The following IGFN1 variants were observed in gnomAD, a reference collection of about 807,000 sequenced individuals.
IGFN1 encodes immunoglobulin-like and fibronectin type III domain-containing protein 1.
Under a neutral mutation model 289.5 loss-of-function variants are expected in IGFN1, and 253 were observed. That is an observed-to-expected ratio of 0.87 (90% CI 0.79 to 0.97). The LOEUF (loss-of-function observed/expected upper bound fraction) is 0.97, where lower values mean the gene tolerates loss of function less well. Among genes scored for constraint, IGFN1 ranks in the 50% least tolerant of loss-of-function variants. IGFN1 has a pLI of 0.00. For synonymous variants in IGFN1, 1,706 were observed against 1,788.5 expected (o/e 0.95, Z 1.16); for missense variants, 4,470 against 4,686.1 (o/e 0.95, Z 1.35).
At position 201,207,096 on chromosome 1, in the gene IGFN1, G is replaced by A. The variant is rs1667462243; in HGVS notation, c.2203G>A (p.Gly735Ser). The A allele has an allele frequency of 1.3e-6, 2 of 1,537,028 alleles. No individual in the cohort carries two copies. The highest frequency in any genetic ancestry group is 2.4e-5 in the East Asian group (1 of 40,920). The part of the protein sequence containing the change: ...KDFQEPSISG[G>S]RKFLLGDGSP... ...CTTCCAGGAACCATCAATATCAGGT[G>A]GTAGAAAATTCCTTCTGGGAGATGG... Residue 735 changes from glycine (G) to serine (S), a missense_variant, in exon 12 of 24, where the codon GGT becomes AGT. By Grantham distance (56) the Gly-to-Ser change is moderately conservative. Coordinates refer to ENST00000335211, the MANE Select transcript of IGFN1 (RefSeq NM_001164586.2).
rs1377113380 is a variant in IGFN1 at position 201,200,244 on chromosome 1, C to G, written c.466C>G (p.Pro156Ala). Residue 156 changes from proline to alanine, a missense_variant, in exon 8 of 24, where the codon CCA becomes GCA. Coordinates refer to ENST00000335211, the MANE Select transcript of IGFN1 (RefSeq NM_001164586.2). ...GCTAGCCTTGCTCCCCAGGGCCCCA[C>G]CAGCCCCCAAGAAAAAGATGGACCT... ...FRKLLKKRAP[P>A]APKKKMDLEQ... The G allele has an allele frequency of 1.3e-6, 2 of 1,551,406 alleles. No individual in the cohort carries two copies. The highest frequency in any genetic ancestry group is 2.4e-5 in the East Asian group (1 of 40,932).
chr1:201,198,788 A>G (rs960275057), intron 5 of IGFN1, among the ~76,000 whole-genome samples: 1 of 152,364 alleles, frequency 6.6e-6, no homozygotes, highest in East Asian at 1.9e-4. Context: ...CTCATTGGTC[A>G]GGACAGTGTC....
At position 201,212,107 on chromosome 1, in the gene IGFN1, G is replaced by T. The variant is rs959730502; in HGVS notation, c.7214G>T (p.Gly2405Val). 1.3e-6 allele frequency: 2 copies of T among 1,536,492 alleles called. No homozygotes were observed. Among genetic ancestry groups the T allele is most frequent in the Non-Finnish European group, 8.7e-7 (1 of 1,146,784 alleles). ...ASEGDTNSKD[G>V]PERARETRLV... Reference sequence around the variant, plus strand: ...GAGGGTGACACGAACTCCAAGGATGGTCCAGAGCGAGCCAGGGAAACCAGG... The same window carrying T: ...GAGGGTGACACGAACTCCAAGGATGTTCCAGAGCGAGCCAGGGAAACCAGG... The change falls in exon 12 of 24, where the codon GGT (glycine) becomes GTT (valine). Residue 2405 changes from glycine to valine, a missense_variant. Gly to Val is a moderately radical substitution (Grantham distance 109). Coordinates refer to ENST00000335211, the MANE Select transcript of IGFN1 (RefSeq NM_001164586.2).
chr1:201,223,331 G>A (rs956386930), intron 20 of IGFN1, among the ~76,000 whole-genome samples: 7 of 148,846 alleles, frequency 4.7e-5, no homozygotes, highest in Admixed American at 2.7e-4. Flanking sequence ...ACTCACAGCC[G>A]TTTGACTTTG....
intron 15 of IGFN1, 162 bp from the exon 16 acceptor site, chr1:201,216,292 G>A: frequency 1.6e-6 from 1 of 618,278 alleles, no homozygotes; most frequent in South Asian, 2.0e-5. Context: ...TCTGGGTAAT[G>A]CCCAAGGCTC....
rs553004314 is a variant in IGFN1 at position 201,218,854 on chromosome 1, G to C, written c.9898+196G>C. Among the ~76,000 whole-genome samples, 85 of 152,174 alleles carry C rather than the reference G, an allele frequency of 5.6e-4. 3 individuals carry two copies. The South Asian group carries it at 0.016, about 29-fold the overall frequency. ...AGGGGCCCTACGTGAGCTCAAACAG[G>C]CCCAGAAGCCAGGCAGTGGGATTAG... On this transcript the variant is annotated intron_variant, in intron 18 of 23. Transcript: ENST00000335211.
chr1:201,191,241 G>A (rs976645042), intron 1 of IGFN1, among the ~76,000 whole-genome samples: 17 of 152,286 alleles, frequency 1.1e-4, no homozygotes, highest in Non-Finnish European at 2.4e-4. Flanking sequence ...CCTCGGGCTG[G>A]GACTTGTTAT....
rs1267332683 is a variant in IGFN1, at chr1:201,206,326, C to G, written c.1433C>G (p.Thr478Arg). Residue 478 changes from threonine (T) to arginine (R), a missense_variant, in exon 12 of 24, where the codon ACA becomes AGA. By Grantham distance (71) the Thr-to-Arg change is moderately conservative. Around this residue, in one of 8 missense-constraint regions of IGFN1, gnomAD observed 2,011 missense variants for 1,953.4 expected, o/e 1.03. Coordinates refer to ENST00000335211, the MANE Select transcript of IGFN1 (RefSeq NM_001164586.2). ...HGYSLMGDKGTADSAWGPGQE... is the reference protein window; with the variant it reads ...HGYSLMGDKGRADSAWGPGQE... ...TACTCCTTGATGGGGGACAAAGGGA[C>G]AGCTGACTCAGCCTGGGGCCCTGGA... The G allele has an allele frequency of 6.5e-7, 1 of 1,550,224 alleles. No individual in the cohort carries two copies. Among genetic ancestry groups the G allele is most frequent in the African/African-American group, 1.4e-5 (1 of 73,036 alleles).
Position 201,211,824 on chromosome 1 carries a change from T to C in IGFN1, c.6931T>C (p.Ser2311Pro). 1 of 1,536,524 alleles carries C rather than the reference T, an allele frequency of 6.5e-7. No homozygotes were observed. The highest frequency in any genetic ancestry group is 8.7e-7 in the Non-Finnish European group (1 of 1,146,610). ...AGGTTCTAGGGGTAGTTTGGAGGAT[T>C]CTGGGTACATTTTGTCATGGAATGA... ...EAGSRGSLED[S>P]GYILSWNEAG... The change falls in exon 12 of 24, where the codon TCT becomes CCT. Residue 2311 changes from serine to proline, a missense_variant. Ser to Pro is a moderately conservative substitution (Grantham distance 74, BLOSUM62 -1). Coordinates refer to ENST00000335211, the MANE Select transcript of IGFN1 (RefSeq NM_001164586.2).
chr1:201,221,719 A>C lies in IGFN1; in HGVS notation c.10174A>C (p.Thr3392Pro), dbSNP rs1477311655. ...GGQSQPSALD[T>P]LVQAMPVTVC... is the part of the protein sequence containing the mutation. ...CCAGAGCCAGCCCAGTGCCCTGGACACATTAGTGCAAGCCATGCCTGTTAC... is the reference window on the plus strand; with the variant it reads ...CCAGAGCCAGCCCAGTGCCCTGGACCCATTAGTGCAAGCCATGCCTGTTAC... The change falls in exon 19 of 24, where the codon ACA (threonine) becomes CCA (proline). Residue 3392 changes from threonine to proline, a missense_variant. Coordinates refer to ENST00000335211, the MANE Select transcript of IGFN1 (RefSeq NM_001164586.2). The C allele has an allele frequency of 6.2e-7, 1 of 1,602,614 alleles. No individual in the cohort carries two copies. The highest frequency in any genetic ancestry group is 1.1e-5 in the South Asian group (1 of 89,108).
At position 201,211,641 on chromosome 1, in the gene IGFN1, T is replaced by G. The variant is rs572063891; in HGVS notation, c.6748T>G (p.Tyr2250Asp). The change falls in exon 12 of 24, where the codon TAT becomes GAT. Residue 2250 changes from tyrosine (Y) to aspartate (D), a missense_variant. By Grantham distance (160) the Tyr-to-Asp change is radical. Coordinates refer to ENST00000335211, the MANE Select transcript of IGFN1 (RefSeq NM_001164586.2). ...GEMGSMDEADYRKDLGAPEEM... is the reference protein window; with the variant it reads ...GEMGSMDEADDRKDLGAPEEM... The stretch of plus-strand genomic sequence containing the variant: ...AATGGGGTCAATGGATGAGGCAGAT[T>G]ATAGGAAGGATTTGGGAGCTCCTGA... 1.3e-6 allele frequency: 2 copies of G among 1,536,790 alleles called. No homozygotes were observed. Among genetic ancestry groups the G allele is most frequent in the Non-Finnish European group, 1.7e-6 (2 of 1,146,790 alleles).
rs538794273 is a variant in IGFN1, at chr1:201,207,304, G to T, written c.2411G>T (p.Gly804Val). 11 of 1,536,788 alleles carry T rather than the reference G, an allele frequency of 7.2e-6. No homozygotes were observed. In the South Asian group the frequency reaches 1.3e-4, roughly 18 times the overall value. ...RDGQETAWAS[G>V]EVEYDPRSFQ... is the part of the protein sequence containing the mutation. The stretch of plus-strand genomic sequence containing the variant: ...GGCCAGGAAACAGCTTGGGCCTCGG[G>T]TGAGGTAGAGTATGACCCCAGAAGC... The change falls in exon 12 of 24, where the codon GGT (glycine) becomes GTT (valine). Residue 804 changes from glycine (G) to valine (V), a missense_variant. By Grantham distance (109) the Gly-to-Val change is moderately radical (BLOSUM62 -3). This residue lies in a region of IGFN1 where 2,011 missense variants were observed against 1,953.4 expected (regional missense o/e 1.03). Transcript: ENST00000335211.
chr1:201,211,973 T>C lies in IGFN1; in HGVS notation c.7080T>C (p.Asp2360=), dbSNP rs1667835334. 6.5e-7 allele frequency: 1 copy of C among 1,533,786 alleles called. No individual in the cohort carries two copies. The highest frequency in any genetic ancestry group is 1.2e-5 in the South Asian group (1 of 83,680). Reference sequence around the variant, plus strand: ...CAGAGGGTAAGATGGGTTATGGAGATGGTTCAGGGAGGCTTGGAGTACCAG... The same window carrying C: ...CAGAGGGTAAGATGGGTTATGGAGACGGTTCAGGGAGGCTTGGAGTACCAG... ...TGPEGKMGYG[D]GSGRLGVPGS... is the part of the protein sequence containing the mutation. The change falls in exon 12 of 24, where the codon GAT becomes GAC. Residue 2360 remains aspartate (D), a synonymous_variant. Transcript: ENST00000335211.
At chr1:201,202,575 G>C (rs1469809256) in intron 9 of IGFN1, among the ~76,000 whole-genome samples, 3 of 152,122 alleles carry the variant, frequency 2.0e-5, no homozygotes, top group Non-Finnish European at 4.4e-5. Context: ...ATGGCAGAGA[G>C]ACTTCCCTTG....
At position 201,207,802 on chromosome 1, in the gene IGFN1, GGGCTGGTTATAGCTAT is replaced by G. The variant is rs1365346564; in HGVS notation, c.2914_2929del (p.Gly972GlnfsTer75). The G allele has an allele frequency of 6.5e-7, 1 of 1,536,224 alleles. No individual in the cohort carries two copies. Among genetic ancestry groups the G allele is most frequent in the Non-Finnish European group, 8.7e-7 (1 of 1,146,410 alleles). Reference sequence around the variant, plus strand: ...TCTAGGGAAATAAGCTCTAAAAGCGGGGCTGGTTATAGCTATGGCTCAGGGGTTCCAGGAGAAATGG... The same window carrying G: ...TCTAGGGAAATAAGCTCTAAAAGCGGGGCTCAGGGGTTCCAGGAGAAATGG... On this transcript the variant is annotated frameshift_variant, in exon 12 of 24. Coordinates refer to ENST00000335211, the MANE Select transcript of IGFN1 (RefSeq NM_001164586.2). LOFTEE classifies it high-confidence loss of function.
In IGFN1 at chr1:201,193,306, A is replaced by G; in HGVS notation, c.7+6A>G. 6.5e-7 allele frequency: 1 copy of G among 1,541,196 alleles called. No homozygotes were observed. Among genetic ancestry groups the G allele is most frequent in the Non-Finnish European group, 8.8e-7 (1 of 1,137,152 alleles). On this transcript the variant is annotated splice_donor_region_variant and intron_variant, in intron 2 of 23. Coordinates refer to ENST00000335211, the MANE Select transcript of IGFN1 (RefSeq NM_001164586.2). ...AGGAGGCAGAACTATGGCAGGTAAG[A>G]GAAGAACTAATCTCCCCTCCCCAGC... is the stretch of plus-strand genomic sequence containing the variant.
At position 201,207,596 on chromosome 1, in the gene IGFN1, TG is replaced by T; in HGVS notation, c.2709del (p.Thr904HisfsTer2). The T allele has an allele frequency of 1.3e-6, 2 of 1,536,812 alleles. No homozygotes were observed. Among genetic ancestry groups the T allele is most frequent in the Non-Finnish European group, 1.7e-6 (2 of 1,146,810 alleles). On this transcript the variant is annotated frameshift_variant, in exon 12 of 24. Transcript: ENST00000335211. LOFTEE classifies it high-confidence loss of function. ...RAPGLGAQGS[G>X]GTLGDKKGLR... ...CTCCAGGCCTGGGTGCTCAGGGATC[TG>T]GGGGGACACTAGGAGATAAGAAAGG...
At chr1:201,204,269 C>A (rs572462324) in intron 10 of IGFN1, among the ~76,000 whole-genome samples, 80 of 148,418 alleles carry the variant, frequency 5.4e-4, no homozygotes, top group Non-Finnish European at 9.9e-4. Flanking sequence ...TCCCACAACA[C>A]CCTAGCAAGA....
intron 17 of IGFN1, 86 bp from the exon 18 acceptor site, chr1:201,218,444 T>A (rs952213793): frequency 7.4e-7 from 1 of 1,349,498 alleles, no homozygotes; most frequent in African/African-American, 1.4e-5. Context: ...CCAGGCTTGG[T>A]CTCCTTCAGA....
Sources: gnomAD v4.1 joint callset for allele counts (sites outside exome capture counted in the v4.1 genomes callset) on GRCh38, gnomAD v4.1.1 for gene constraint, gnomAD v4.1.1 regional missense constraint, MANE v1.5 for transcripts, NCBI Gene and HGNC (gene_info 2026-07-23, HGNC 2026-07-21) for gene names.